Variants in HERC4 observed in about 807,000 individuals in gnomAD.
HERC4 encodes the protein HECT and RLD domain containing E3 ubiquitin protein ligase 4.
Under a neutral mutation model 124.3 loss-of-function variants are expected in HERC4, and 28 were observed. That is an observed-to-expected ratio of 0.23 (90% CI 0.17 to 0.31). The LOEUF is 0.31. HERC4 is among the 10% of genes least tolerant of loss of function. HERC4 has a pLI of 1.00. For synonymous variants in HERC4, 407 were observed against 421.5 expected (o/e 0.97, Z 0.42); for missense variants, 713 against 1,229.3 (o/e 0.58, Z 6.28).
At chr10:68,062,087 G>C (rs1025193170) in intron 3 of HERC4, among the ~76,000 whole-genome samples, 1 of 152,048 alleles carries the variant, frequency 6.6e-6, no homozygotes, top group Non-Finnish European at 1.5e-5. Flanking sequence ...GAAGTCTACA[G>C]TTGGAATGTC....
chr10:67,943,152 T>G (rs1272863035), intron 19 of HERC4, among the ~76,000 whole-genome samples: 1 of 152,268 alleles, frequency 6.6e-6, no homozygotes, highest in Non-Finnish European at 1.5e-5. Context: ...TTATGTTTTC[T>G]GCTATGCATA....
At chr10:67,938,389 C>T (rs773030064) in intron 21 of HERC4, among the ~76,000 whole-genome samples, 5 of 145,400 alleles carry the variant, frequency 3.4e-5, no homozygotes, top group Non-Finnish European at 6.0e-5. Context: ...TGCAATGAGC[C>T]GAGATTGCAC....
intron 8 of HERC4, among the ~76,000 whole-genome samples, chr10:68,017,173 T>C (rs1286135762): frequency 6.6e-6 from 1 of 152,184 alleles, no homozygotes; most frequent in Non-Finnish European, 1.5e-5. Flanking sequence ...CCTTCTTGTG[T>C]ATTTGTCTCC....
intron 15 of HERC4, among the ~76,000 whole-genome samples, chr10:67,970,148 A>T (rs1444066422): frequency 1.6e-5 from 2 of 128,542 alleles, no homozygotes; most frequent in African/African-American, 3.0e-5. Flanking sequence ...TAGCAAATTA[A>T]AAATTCAATT....
At chr10:68,036,662 T>C (rs2039488234) in intron 5 of HERC4, among the ~76,000 whole-genome samples, 1 of 152,120 alleles carries the variant, frequency 6.6e-6, no homozygotes, top group Non-Finnish European at 1.5e-5. Context: ...ATGCCAATAT[T>C]CAAATACACC....
At chr10:67,932,574 A>T (rs2031939201) in intron 23 of HERC4, 23 bp downstream of exon 23, 1 of 1,580,302 alleles carries the variant, frequency 6.3e-7, no homozygotes, top group Non-Finnish European at 8.6e-7. Context: ...ATTTAACAAT[A>T]TCAGAGATTA....
chr10:68,015,475 T>C (rs1475998204), intron 8 of HERC4, among the ~76,000 whole-genome samples: 1 of 152,220 alleles, frequency 6.6e-6, no homozygotes, highest in Non-Finnish European at 1.5e-5. Context: ...TTACCCAGAT[T>C]GGCAAATTCT....
chr10:67,941,092 C>T lies in HERC4; in HGVS notation c.2351G>A (p.Ser784Asn). The change falls in exon 20 of 25, where the codon AGT (serine) becomes AAT (asparagine). Residue 784 changes from serine (S) to asparagine (N), a missense_variant. Transcript: ENST00000373700. ...AACACCAATCAAATGGAACAAATCA[C>T]TGTCTTCAAATGTCTAAAAATATAA... ...IWFSDKTFED[S>N]DLFHLIGVIC... 6.3e-7 allele frequency: 1 copy of T among 1,576,580 alleles called. No individual in the cohort carries two copies. Among genetic ancestry groups the T allele is most frequent in the Non-Finnish European group, 8.6e-7 (1 of 1,166,180 alleles).
intron 15 of HERC4, among the ~76,000 whole-genome samples, chr10:67,970,592 A>T (rs1332370146): frequency 1.4e-3 from 126 of 87,610 alleles, no homozygotes; most frequent in African/African-American, 4.1e-3. Flanking sequence ...ACTCTGTCTC[A>T]AAAAAAAAAA....
At chr10:67,928,934 G>C (rs922946811) in intron 23 of HERC4, among the ~76,000 whole-genome samples, 1 of 151,736 alleles carries the variant, frequency 6.6e-6, no homozygotes, top group African/African-American at 2.4e-5. Context: ...AAAAAAAAGA[G>C]TTGCCTCCTG....
At chr10:68,016,239 C>G (rs1459363020) in intron 8 of HERC4, among the ~76,000 whole-genome samples, 1 of 152,148 alleles carries the variant, frequency 6.6e-6, no homozygotes, top group Non-Finnish European at 1.5e-5. Context: ...GAATGTAAAC[C>G]TTTTTCTTTT....
chr10:68,002,217 CT>C (rs2037273240), intron 9 of HERC4, among the ~76,000 whole-genome samples: 1 of 151,922 alleles, frequency 6.6e-6, no homozygotes, highest in Admixed American at 6.6e-5. Context: ...AGCACTGGAC[CT>C]TTACAAATGT....
intron 3 of HERC4, among the ~76,000 whole-genome samples, chr10:68,062,617 G>A (rs12259209): frequency 0.012 from 1,810 of 151,894 alleles, 23 homozygotes; most frequent in African/African-American, 0.04. Context: ...AAAATTAGCC[G>A]GGTGTGGTGG....
chr10:67,973,097 T>C (rs1056693879), intron 15 of HERC4, among the ~76,000 whole-genome samples: 3 of 152,224 alleles, frequency 2.0e-5, no homozygotes, highest in Non-Finnish European at 4.4e-5. Context: ...CTGCTGAATC[T>C]AGAATGGAGG....
At chr10:67,924,877 A>G (rs1226435108) in intron 24 of HERC4, among the ~76,000 whole-genome samples, 1 of 152,232 alleles carries the variant, frequency 6.6e-6, no homozygotes, top group Non-Finnish European at 1.5e-5. Flanking sequence ...TTCATTTCCA[A>G]GTTAGCTTCC....
chr10:67,932,573 T>C (rs3758392), intron 23 of HERC4, 24 bp downstream of exon 23: 930,633 of 1,574,744 alleles, frequency 0.59, 291,716 homozygotes, highest in Non-Finnish European at 0.65. Context: ...CATTTAACAA[T>C]ATCAGAGATT....
At chr10:67,930,752 C>T (rs2031710740) in intron 23 of HERC4, among the ~76,000 whole-genome samples, 1 of 152,192 alleles carries the variant, frequency 6.6e-6, no homozygotes, top group African/African-American at 2.4e-5. Flanking sequence ...TAACCTTGCA[C>T]TTTCTGTCAC....
intron 17 of HERC4, 48 bp downstream of exon 17, chr10:67,956,830 C>T: frequency 8.2e-7 from 1 of 1,213,726 alleles, no homozygotes. Flanking sequence ...TGTCCAGAAA[C>T]ATCAAAGAAA....
At chr10:68,040,049 T>A in intron 4 of HERC4, 3 of 742,572 alleles carry the variant, frequency 4.0e-6, no homozygotes, top group Non-Finnish European at 4.9e-6. Context: ...ATACCCATGA[T>A]AATGCCTGGC....
Sources: gnomAD v4.1 joint callset for allele counts (sites outside exome capture counted in the v4.1 genomes callset) on GRCh38, gnomAD v4.1.1 for gene constraint, MANE v1.5 for transcripts, NCBI Gene and HGNC (gene_info 2026-07-23, HGNC 2026-07-21) for gene names.